The following PRDM16 variants were observed in gnomAD, a reference collection of about 807,000 sequenced individuals.
The protein encoded by PRDM16 is PR/SET domain 16.
PRDM16 carries 23 observed loss-of-function variants against 110.6 expected under a neutral mutation model. The observed-to-expected ratio is 0.21, with a 90% CI of 0.15 to 0.29. The LOEUF (loss-of-function observed/expected upper bound fraction) is 0.29. Among genes scored for constraint, PRDM16 ranks in the 10% least tolerant of loss-of-function variants. The probability of loss-of-function intolerance (pLI) is 1.00; values close to 1 mark genes in which losing one functional copy is unlikely to be tolerated. For missense variants in PRDM16, 1,615 were observed against 1,794.3 expected (o/e 0.90, Z 1.81); for synonymous variants, 799 against 781.8 (o/e 1.02, Z -0.37).
chr1:3,396,103 C>T (rs76885046), intron 4 of PRDM16, among the ~76,000 whole-genome samples: 4,586 of 152,274 alleles, frequency 0.03, 77 homozygotes, highest in Middle Eastern at 0.075. Context: ...CCTCCCCCGC[C>T]GCCACTGGCA....
In PRDM16 at chr1:3,404,646, A is replaced by T. The variant is rs1243380993; in HGVS notation, c.885-93A>T. On this transcript the variant is annotated intron_variant, in intron 6 of 16. Transcript: ENST00000270722. Reference sequence around the variant, plus strand: ...CCTCGGCAGCGTGGTGGGGGCTCCGAAGGGGCACTGGGAACAAGCTGTATG... The same window carrying T: ...CCTCGGCAGCGTGGTGGGGGCTCCGTAGGGGCACTGGGAACAAGCTGTATG... The T allele has an allele frequency of 2.1e-5, 32 of 1,503,808 alleles. No individual in the cohort carries two copies. The East Asian group carries it at 6.7e-4, about 32-fold the overall frequency. 93.2% of individuals were successfully genotyped at this position (1,503,808 alleles called of 1,614,324 possible).
At chr1:3,077,601 T>A (rs530010610) in intron 1 of PRDM16, among the ~76,000 whole-genome samples, 28 of 152,248 alleles carry the variant, frequency 1.8e-4, no homozygotes, top group African/African-American at 6.5e-4. Flanking sequence ...CAGGCTGGGG[T>A]GCTTTACAAT....
chr1:3,202,874 C>T (rs1315636980), intron 2 of PRDM16, among the ~76,000 whole-genome samples: 1 of 152,164 alleles, frequency 6.6e-6, no homozygotes, highest in Non-Finnish European at 1.5e-5. Context: ...GCTGGCCCCA[C>T]CCAACTCCAG....
In PRDM16 at chr1:3,069,350, C is replaced by A; in HGVS notation, c.37+54C>A. On this transcript the variant is annotated intron_variant, in intron 1 of 16. Transcript: ENST00000270722. The surrounding 1 kb of genome is among the most constrained non-coding windows in gnomAD (Gnocchi z 6.1). ...GCCGCCGGGGCCCGGGCCGCCGGGC[C>A]GGGGCGCCCGGGCCAGGGGTGCGCG... 4 of 920,406 alleles carry A rather than the reference C, an allele frequency of 4.3e-6. No individual in the cohort carries two copies. Among genetic ancestry groups the A allele is most frequent in the Non-Finnish European group, 5.2e-6 (4 of 763,548 alleles). The allele number at this position is 920,406 out of a possible 1,614,324, so 57.0% of individuals were successfully genotyped here.
At chr1:3,312,492 C>T (rs1394692042) in intron 3 of PRDM16, among the ~76,000 whole-genome samples, 3 of 152,248 alleles carry the variant, frequency 2.0e-5, no homozygotes, top group Admixed American at 2.0e-4. Context: ...CCGCTCCTCC[C>T]CAGCCTGCTG....
chr1:3,138,220 C>T (rs1048434714), intron 1 of PRDM16, among the ~76,000 whole-genome samples: 8 of 152,244 alleles, frequency 5.3e-5, no homozygotes, highest in Admixed American at 2.6e-4. Flanking sequence ...TCCCTCCCAG[C>T]GCAACCACGG....
intron 1 of PRDM16, among the ~76,000 whole-genome samples, chr1:3,177,042 T>C (rs1644099219): frequency 6.7e-6 from 1 of 149,718 alleles, no homozygotes; most frequent in African/African-American, 2.5e-5. Flanking sequence ...CCCTCATCCA[T>C]CTGTTAACTC....
At chr1:3,107,792 G>C (rs900958381) in intron 1 of PRDM16, among the ~76,000 whole-genome samples, 1 of 152,242 alleles carries the variant, frequency 6.6e-6, no homozygotes. Flanking sequence ...TGCTGGCTGT[G>C]GCCCCTGGCC....
intron 10 of PRDM16, among the ~76,000 whole-genome samples, chr1:3,416,002 G>T (rs1038156045): frequency 6.6e-6 from 1 of 152,306 alleles, no homozygotes; most frequent in South Asian, 2.1e-4. Flanking sequence ...TCTGCCCATC[G>T]CTCATCACTC....
At chr1:3,334,438 C>G (rs114663190) in intron 3 of PRDM16, among the ~76,000 whole-genome samples, 196 of 152,112 alleles carry the variant, frequency 1.3e-3, no homozygotes, top group Admixed American at 2.1e-3. Flanking sequence ...CCAGATGTCA[C>G]TAGGGTCATT....
At position 3,390,720 on chromosome 1, in the gene PRDM16, C is replaced by T. The variant is rs781584174; in HGVS notation, c.573+5434C>T. Among the ~76,000 whole-genome samples the T allele has an allele frequency of 2.0e-5, 3 of 152,060 alleles. No homozygotes were observed. Among genetic ancestry groups the T allele is most frequent in the Non-Finnish European group, 4.4e-5 (3 of 67,998 alleles). On this transcript the variant is annotated intron_variant, in intron 4 of 16. Transcript: ENST00000270722. The surrounding 1 kb of genome is among the most constrained non-coding windows in gnomAD (Gnocchi z 5.0). The stretch of plus-strand genomic sequence containing the variant: ...CCCGGGTCCCGCGTTTCTGTCTGGG[C>T]GTGTGCCCTGTCAGGGTTGCGGTTT...
chr1:3,376,455 G>A (rs980669260), intron 3 of PRDM16, among the ~76,000 whole-genome samples: 1 of 152,056 alleles, frequency 6.6e-6, no homozygotes, highest in African/African-American at 2.4e-5. Flanking sequence ...CCATGCTCTT[G>A]GGGCTGTCTG....
intron 8 of PRDM16, among the ~76,000 whole-genome samples, chr1:3,409,761 GTGTGTGTGGT>G (rs1297795353): frequency 8.5e-5 from 9 of 106,088 alleles, no homozygotes; most frequent in Non-Finnish European, 1.4e-4. Context: ...GTGGGTGTGA[GTGTGTGTGGT>G]TGTGTGTGGG....
chr1:3,118,209 A>G (rs1557460704), intron 1 of PRDM16, among the ~76,000 whole-genome samples: 2 of 151,880 alleles, frequency 1.3e-5, no homozygotes, highest in East Asian at 2.0e-4. Context: ...ACACGCACAC[A>G]CGCACACACA....
intron 1 of PRDM16, among the ~76,000 whole-genome samples, chr1:3,100,691 G>A (rs1642511196): frequency 6.6e-6 from 1 of 152,090 alleles, no homozygotes; most frequent in African/African-American, 2.4e-5. Context: ...TTCCCCGAGT[G>A]AGGTTCCCGT....
chr1:3,069,389 G>C lies in PRDM16; in HGVS notation c.37+93G>C. The C allele has an allele frequency of 3.2e-6, 1 of 317,064 alleles. No individual in the cohort carries two copies. Among genetic ancestry groups the C allele is most frequent in the Non-Finnish European group, 4.5e-6 (1 of 224,190 alleles). 19.6% of individuals were successfully genotyped at this position (317,064 alleles called of 1,614,324 possible). On this transcript the variant is annotated intron_variant, in intron 1 of 16. Transcript: ENST00000270722. This position sits in a 1 kb window ranked among gnomAD's most constrained non-coding sequence, Gnocchi z 6.1. Reference sequence around the variant, plus strand: ...CAGGGGTGCGCGTCGGGGCGCGGCCGGCGCGCCTGCGGCTCCGGGCCCCCG... The same window carrying C: ...CAGGGGTGCGCGTCGGGGCGCGGCCCGCGCGCCTGCGGCTCCGGGCCCCCG...
Position 3,196,938 on chromosome 1 carries a change from G to A in PRDM16, c.387+10464G>A, listed in dbSNP as rs917909898. On this transcript the variant is annotated intron_variant, in intron 2 of 16. Transcript: ENST00000270722. ...AAGCTGGAGCTGCGAAGAGGCGGGT[G>A]CCTGGGTCCACTGGGGGACCCCACT... Among the ~76,000 whole-genome samples, 13 of 152,316 alleles carry A rather than the reference G, an allele frequency of 8.5e-5. No individual in the cohort carries two copies. In the East Asian group the frequency reaches 2.1e-3, roughly 25 times the overall value.
intron 3 of PRDM16, among the ~76,000 whole-genome samples, chr1:3,272,841 C>A (rs1343311258): frequency 6.6e-6 from 1 of 152,216 alleles, no homozygotes; most frequent in African/African-American, 2.4e-5. Flanking sequence ...GGCTCCCCTG[C>A]TGCCTGTGCC....
At chr1:3,327,585 C>T (rs188260495) in intron 3 of PRDM16, among the ~76,000 whole-genome samples, 1 of 152,372 alleles carries the variant, frequency 6.6e-6, no homozygotes, top group East Asian at 1.9e-4. Context: ...GTATCAGCCG[C>T]TGCACATGGC....
Sources: allele counts gnomAD v4.1 joint callset (sites outside exome capture counted in the v4.1 genomes callset), GRCh38; gene constraint gnomAD v4.1.1; non-coding constraint Gnocchi (gnomAD v3.1); transcripts MANE v1.5; gene names NCBI Gene and HGNC (gene_info 2026-07-23, HGNC 2026-07-21).